The following DLG2 variants were observed in gnomAD, a reference collection of about 807,000 sequenced individuals.
DLG2 encodes the protein discs large MAGUK scaffold protein 2.
Under a neutral mutation model 132.5 loss-of-function variants are expected in DLG2, and 45 were observed. That is an observed-to-expected ratio of 0.34 (90% CI 0.27 to 0.44). The LOEUF is 0.44. DLG2 is among the 20% of genes least tolerant of loss of function. The pLI, the probability that DLG2 is intolerant of heterozygous loss-of-function variation, is 1.00. For missense variants in DLG2, 1,045 were observed against 1,196.9 expected (o/e 0.87, Z 1.87); for synonymous variants, 424 against 419.6 (o/e 1.01, Z -0.13).
chr11:84,057,783 G>C (rs1286088443), intron 11 of DLG2, among the ~76,000 whole-genome samples: 1 of 152,122 alleles, frequency 6.6e-6, no homozygotes, highest in Non-Finnish European at 1.5e-5. Context: ...ATCTCTAGGA[G>C]CAAGTACTAT....
At chr11:84,712,963 A>T (rs575344727) in intron 6 of DLG2, among the ~76,000 whole-genome samples, 8 of 152,238 alleles carry the variant, frequency 5.3e-5, no homozygotes, top group East Asian at 1.9e-4. Context: ...TATTCTATCC[A>T]TGTGATTTAA....
intron 6 of DLG2, among the ~76,000 whole-genome samples, chr11:85,101,762 T>C (rs2152277580): frequency 6.6e-6 from 1 of 152,130 alleles, no homozygotes; most frequent in Middle Eastern, 3.4e-3. Context: ...GGGAGAACAT[T>C]TCGTATTCAA....
At chr11:84,923,162 C>A (rs781714226) in intron 6 of DLG2, 2 of 1,612,906 alleles carry the variant, frequency 1.2e-6, no homozygotes, top group East Asian at 2.2e-5. Flanking sequence ...AGCTTCTCAG[C>A]ACAGCGCAAG....
chr11:85,507,589 C>G (rs1256486447), intron 3 of DLG2, among the ~76,000 whole-genome samples: 1 of 152,200 alleles, frequency 6.6e-6, no homozygotes, highest in East Asian at 1.9e-4. Flanking sequence ...AGCTGTTAGT[C>G]TGATGGGCTT....
chr11:84,088,388 A>C (rs1319709796), intron 10 of DLG2, among the ~76,000 whole-genome samples: 2 of 151,466 alleles, frequency 1.3e-5, no homozygotes, highest in African/African-American at 2.4e-5. Context: ...AAAAAAAAAA[A>C]CAAAAATCCA....
At chr11:84,036,369 G>T (rs551016905) in intron 11 of DLG2, among the ~76,000 whole-genome samples, 1 of 151,998 alleles carries the variant, frequency 6.6e-6, no homozygotes, top group South Asian at 2.1e-4. Flanking sequence ...GTTGTTGCTA[G>T]GGCTTGAGAA....
intron 11 of DLG2, among the ~76,000 whole-genome samples, chr11:84,010,892 T>C (rs1450049872): frequency 6.6e-6 from 1 of 152,144 alleles, no homozygotes; most frequent in South Asian, 2.1e-4. Context: ...TATACAACTC[T>C]TGCATTATCA....
chr11:84,534,679 A>G lies in DLG2; in HGVS notation c.410T>C (p.Leu137Pro). 1 of 1,614,058 alleles carries G rather than the reference A, an allele frequency of 6.2e-7. No homozygotes were observed. Among genetic ancestry groups the G allele is most frequent in the Non-Finnish European group, 8.5e-7 (1 of 1,179,918 alleles). The change falls in exon 7 of 28, where the codon CTA (leucine) becomes CCA (proline). Residue 137 changes from leucine (L) to proline (P), a missense_variant. By Grantham distance (98) the Leu-to-Pro change is moderately conservative. Transcript: ENST00000376104. ...TTCTGGGCCTCTTACTTCGTGGGTT[A>G]GTCGAGGTAAGGAATGATCATGTGG... Reference protein sequence around the residue: ...DAPHDHSLPRLTHEVRGPELV... With the variant: ...DAPHDHSLPRPTHEVRGPELV...
At chr11:84,188,149 T>G (rs115508099) in intron 8 of DLG2, among the ~76,000 whole-genome samples, 21 of 152,272 alleles carry the variant, frequency 1.4e-4, no homozygotes, top group African/African-American at 4.8e-4. Flanking sequence ...GTTACTAGTT[T>G]TAGCAACCTT....
At chr11:85,007,213 C>A (rs781460166) in intron 6 of DLG2, among the ~76,000 whole-genome samples, 1 of 151,934 alleles carries the variant, frequency 6.6e-6, no homozygotes, top group Non-Finnish European at 1.5e-5. Flanking sequence ...TCTCAAAGAA[C>A]CTTACCCATA....
rs59452629 is a variant in DLG2 at position 85,582,660 on chromosome 11, C to CAAAAAA, written c.40+15991_40+15996dup. ...GCAACATGGTGAAACCCCATCTCTACAAAAAAAAAAAAAAAAAAAAAAAAA... is the reference window on the plus strand; with the variant it reads ...GCAACATGGTGAAACCCCATCTCTACAAAAAAAAAAAAAAAAAAAAAAAAAAAAAAA... On this transcript the variant is annotated intron_variant, in intron 3 of 27. Transcript: ENST00000376104. Among the ~76,000 whole-genome samples the CAAAAAA allele has an allele frequency of 5.8e-3, 157 of 27,142 alleles. 43 individuals carry two copies. Among genetic ancestry groups the CAAAAAA allele is most frequent in the South Asian group, 0.019 (7 of 364 alleles). 17.8% of individuals were successfully genotyped at this position (27,142 alleles called of 152,430 possible).
At chr11:83,953,408 T>C (rs1248844539) in intron 14 of DLG2, among the ~76,000 whole-genome samples, 1 of 152,154 alleles carries the variant, frequency 6.6e-6, no homozygotes, top group African/African-American at 2.4e-5. Context: ...GAACTGCACA[T>C]GCGAAGGATC....
chr11:84,764,055 C>A (rs1399028003), intron 6 of DLG2, among the ~76,000 whole-genome samples: 3 of 151,956 alleles, frequency 2.0e-5, no homozygotes, highest in Admixed American at 1.3e-4. Flanking sequence ...AGTTTATGCC[C>A]CCTTCAGTCA....
chr11:84,671,047 C>G (rs948122490), intron 6 of DLG2, among the ~76,000 whole-genome samples: 3 of 151,948 alleles, frequency 2.0e-5, no homozygotes, highest in African/African-American at 7.3e-5. Flanking sequence ...TTACATCCGG[C>G]AGCCTTGTCA....
chr11:83,999,445 C>G (rs1601091), intron 11 of DLG2, among the ~76,000 whole-genome samples: 1 of 151,844 alleles, frequency 6.6e-6, no homozygotes, highest in Non-Finnish European at 1.5e-5. Flanking sequence ...ACCACTATCA[C>G]TGCCATTGTC....
chr11:84,590,378 G>T (rs759455772), intron 6 of DLG2, among the ~76,000 whole-genome samples: 1 of 152,116 alleles, frequency 6.6e-6, no homozygotes, highest in East Asian at 1.9e-4. Flanking sequence ...TGCTTGGCAC[G>T]TTTTTTCTCC....
chr11:85,446,607 T>C (rs1250853391), intron 3 of DLG2, among the ~76,000 whole-genome samples: 1 of 152,190 alleles, frequency 6.6e-6, no homozygotes, highest in Admixed American at 6.5e-5. Flanking sequence ...CTATTTAAGA[T>C]AAAATACTAT....
At chr11:85,482,807 C>A (rs2093330114) in intron 3 of DLG2, among the ~76,000 whole-genome samples, 2 of 152,146 alleles carry the variant, frequency 1.3e-5, no homozygotes, top group African/African-American at 4.8e-5. Context: ...AGAGTCCAGA[C>A]CTGTTCCAGC....
intron 3 of DLG2, among the ~76,000 whole-genome samples, chr11:85,537,021 T>C (rs1329261039): frequency 6.6e-6 from 1 of 152,188 alleles, no homozygotes; most frequent in South Asian, 2.1e-4. Flanking sequence ...GCATTCTGTG[T>C]CTAGCTAAAG....
Sources: allele counts gnomAD v4.1 joint callset (sites outside exome capture counted in the v4.1 genomes callset), GRCh38; gene constraint gnomAD v4.1.1; transcripts MANE v1.5; gene names NCBI Gene and HGNC (gene_info 2026-07-23, HGNC 2026-07-21).